Variants in CLASP2 observed in about 807,000 individuals in gnomAD.
The protein encoded by CLASP2 is cytoplasmic linker associated protein 2.
Under a neutral mutation model 194.4 loss-of-function variants are expected in CLASP2, and 47 were observed. The observed-to-expected ratio is 0.24, with a 90% CI of 0.19 to 0.31. The LOEUF is 0.31. Among genes scored for constraint, CLASP2 ranks in the 10% least tolerant of loss-of-function variants. The pLI is 1.00. For missense variants in CLASP2, 1,445 were observed against 1,823.6 expected (o/e 0.79, Z 3.78); for synonymous variants, 619 against 633.5 (o/e 0.98, Z 0.34).
chr3:33,618,080 C>G (rs1172112616), intron 12 of CLASP2, among the ~76,000 whole-genome samples: 1 of 151,418 alleles, frequency 6.6e-6, no homozygotes, highest in East Asian at 2.0e-4. Context: ...TCCCGAGCGG[C>G]TGGGATTACA....
intron 6 of CLASP2, among the ~76,000 whole-genome samples, chr3:33,672,128 G>A (rs927180922): frequency 6.6e-6 from 1 of 152,218 alleles, no homozygotes; most frequent in Non-Finnish European, 1.5e-5. Flanking sequence ...CTGAGAACGG[G>A]CAGACTGCCT....
chr3:33,636,329 A>G (rs991147484), intron 8 of CLASP2, among the ~76,000 whole-genome samples: 2 of 152,148 alleles, frequency 1.3e-5, no homozygotes, highest in Non-Finnish European at 2.9e-5. Context: ...AAAATCCAAT[A>G]TATCATCATA....
chr3:33,608,281 T>C (rs1037225127), intron 14 of CLASP2, among the ~76,000 whole-genome samples: 3 of 152,182 alleles, frequency 2.0e-5, no homozygotes, highest in Non-Finnish European at 4.4e-5. Flanking sequence ...TTACATCATA[T>C]GACTAGAGAT....
At chr3:33,692,883 T>A (rs1024114659) in intron 2 of CLASP2, among the ~76,000 whole-genome samples, 2 of 152,156 alleles carry the variant, frequency 1.3e-5, no homozygotes, top group African/African-American at 4.8e-5. Context: ...TAACTCTTAG[T>A]ATTTTTTTTT....
At chr3:33,611,935 CAAAT>C (rs1177730725) in intron 13 of CLASP2, 62 bp downstream of exon 13, 1 of 1,077,220 alleles carries the variant, frequency 9.3e-7, no homozygotes, top group African/African-American at 1.6e-5. Context: ...TTGCAGCAGA[CAAAT>C]AATTAAACAA....
intron 37 of CLASP2, 106 bp downstream of exon 37, chr3:33,510,452 A>G: frequency 9.7e-7 from 1 of 1,028,992 alleles, no homozygotes; most frequent in Non-Finnish European, 1.5e-6. Context: ...TTGCAGACAA[A>G]CGGGAGGAAG....
rs2064811966 is a variant in CLASP2, at chr3:33,576,061, A to T, written c.2454+108T>A. 1.9e-5 allele frequency: 14 copies of T among 739,298 alleles called. 1 individual carries two copies. In the South Asian group the frequency reaches 2.4e-4, roughly 13 times the overall value. The allele number at this position is 739,298 out of a possible 1,614,324, so 45.8% of individuals were successfully genotyped here. A position where few individuals can be genotyped will look rare whatever the true frequency, so the allele number is the denominator to read the frequency against. On this transcript the variant is annotated intron_variant, in intron 24 of 38. Transcript: ENST00000682230. ...CTGCCCACGTTTTATCTTTAGATTT[A>T]ATCACTGATTTTTCCCCAACCCCTT...
At chr3:33,626,870 C>A in intron 10 of CLASP2, 118 bp downstream of exon 10, 1 of 606,620 alleles carries the variant, frequency 1.6e-6, no homozygotes, top group Non-Finnish European at 2.9e-6. Context: ...GAAATGTTAC[C>A]TATCAGACTC....
chr3:33,534,549 A>G (rs1176629004), intron 34 of CLASP2, among the ~76,000 whole-genome samples: 1 of 152,252 alleles, frequency 6.6e-6, no homozygotes, highest in Non-Finnish European at 1.5e-5. Context: ...ACTGGGCAAC[A>G]GAGTGACACC....
intron 29 of CLASP2, among the ~76,000 whole-genome samples, chr3:33,552,672 A>G (rs2060226908): frequency 6.6e-6 from 1 of 152,218 alleles, no homozygotes; most frequent in African/African-American, 2.4e-5. Context: ...AAGCAAATCA[A>G]TGAATCCATC....
chr3:33,497,843 T>C lies in CLASP2; in HGVS notation c.*788A>G, dbSNP rs1159394836. 2 of 152,540 alleles carry C rather than the reference T, an allele frequency of 1.3e-5. No homozygotes were observed. Among genetic ancestry groups the C allele is most frequent in the African/African-American group, 2.4e-5 (1 of 41,442 alleles). The allele number at this position is 152,540 out of a possible 1,614,324, so 9.4% of individuals were successfully genotyped here. ...AAAAGCATCATTCACAACAAAGATA[T>C]AAACAAACCAAAATAAACCCTGCAA... On this transcript the variant is annotated 3_prime_UTR_variant, in exon 39 of 39. Coordinates refer to ENST00000682230, the MANE Select transcript of CLASP2 (RefSeq NM_001365631.1).
intron 37 of CLASP2, among the ~76,000 whole-genome samples, chr3:33,508,370 T>G (rs1269856106): frequency 6.6e-6 from 1 of 151,726 alleles, no homozygotes; most frequent in Non-Finnish European, 1.5e-5. Flanking sequence ...TCACTCTGTC[T>G]CCCAGGCTGG....
At chr3:33,656,723 C>G (rs1036640975) in intron 7 of CLASP2, among the ~76,000 whole-genome samples, 1 of 151,988 alleles carries the variant, frequency 6.6e-6, no homozygotes, top group African/African-American at 2.4e-5. Flanking sequence ...ATATAGTAAA[C>G]AAATTTCTAT....
chr3:33,576,036 C>T, intron 24 of CLASP2, 133 bp downstream of exon 24: 1 of 646,494 alleles, frequency 1.5e-6, no homozygotes, highest in Non-Finnish European at 2.7e-6. Context: ...GCTTTTTACA[C>T]TGCCCACGTT....
intron 1 of CLASP2, among the ~76,000 whole-genome samples, chr3:33,715,134 T>C (rs996222870): frequency 9.2e-5 from 14 of 152,358 alleles, no homozygotes; most frequent in Admixed American, 5.9e-4. Flanking sequence ...TTGACTCTTA[T>C]GTTTCTTCAG....
chr3:33,612,625 G>C (rs57548832), intron 12 of CLASP2, among the ~76,000 whole-genome samples: 5,119 of 152,146 alleles, frequency 0.034, 302 homozygotes, highest in East Asian at 0.19. Flanking sequence ...CCCTTCTTTA[G>C]TGAAGCAAAC....
intron 34 of CLASP2, among the ~76,000 whole-genome samples, chr3:33,525,189 A>C (rs1177252887): frequency 6.6e-6 from 1 of 152,228 alleles, no homozygotes; most frequent in Non-Finnish European, 1.5e-5. Flanking sequence ...AAATTAGAGA[A>C]ACTAGAATAT....
Position 33,510,732 on chromosome 3 carries a change from C to G in CLASP2, c.4143G>C (p.Val1381=). ...VVRSAEEAAS[V]LATSISPEQC... is the part of the protein sequence containing the mutation. ...GCTCTGGACTAATTGAAGTGGCCAA[C>G]ACTGATGCCGCTTCCTCAGCAGATC... The change falls in exon 37 of 39, where the codon GTG becomes GTC. Residue 1381 remains valine, a synonymous_variant. Coordinates refer to ENST00000682230, the MANE Select transcript of CLASP2 (RefSeq NM_001365631.1). 6.2e-7 allele frequency: 1 copy of G among 1,612,602 alleles called. No individual in the cohort carries two copies. The highest frequency in any genetic ancestry group is 8.5e-7 in the Non-Finnish European group (1 of 1,179,270).
chr3:33,624,612 T>C (rs1055875183), intron 10 of CLASP2, among the ~76,000 whole-genome samples: 4 of 152,198 alleles, frequency 2.6e-5, no homozygotes, highest in Admixed American at 2.0e-4. Flanking sequence ...TATTTACCTA[T>C]GATAAAGTTT....
Sources: gnomAD v4.1 joint callset for allele counts (sites outside exome capture counted in the v4.1 genomes callset) on GRCh38, gnomAD v4.1.1 for gene constraint, MANE v1.5 for transcripts, NCBI Gene and HGNC (gene_info 2026-07-23, HGNC 2026-07-21) for gene names.